Variants in SYT3 observed in about 807,000 individuals in gnomAD.
SYT3 encodes synaptotagmin-3.
Under a neutral mutation model 50.6 loss-of-function variants are expected in SYT3, and 25 were observed. The observed-to-expected ratio is 0.49, with a 90% CI of 0.36 to 0.69. SYT3 has a LOEUF of 0.69. Among genes scored for constraint, SYT3 ranks in the 30% least tolerant of loss-of-function variants. The pLI is 0.00. For missense variants in SYT3, 589 were observed against 793.6 expected (o/e 0.74, Z 3.10); for synonymous variants, 323 against 353.9 (o/e 0.91, Z 0.98).
At chr19:50,641,743 G>T (rs2123029712), upstream of SYT3, among the ~76,000 whole-genome samples, 1 of 152,056 alleles carries the variant, frequency 6.6e-6, no homozygotes, top group African/African-American at 2.4e-5. Flanking sequence ...CTACTTGGGG[G>T]GCTGAGGCAG....
the SYT3 span, among the ~76,000 whole-genome samples, chr19:50,654,288 C>G: frequency 6.6e-6 from 1 of 151,546 alleles, no homozygotes. Flanking sequence ...CTCCATCTCT[C>G]TCTTTTCTTT....
chr19:50,656,335 A>C, the SYT3 span: 1 of 1,535,708 alleles, frequency 6.5e-7, no homozygotes, highest in African/African-American at 1.4e-5. Flanking sequence ...CTGCCTCTGC[A>C]TGGAGACCTT....
chr19:50,635,855 C>T (rs1376873975), intron 3 of SYT3, among the ~76,000 whole-genome samples: 1 of 152,228 alleles, frequency 6.6e-6, no homozygotes, highest in Non-Finnish European at 1.5e-5. Flanking sequence ...GAGAGGATGA[C>T]TGGAAGCTCA....
At chr19:50,653,040 A>T in the SYT3 span, among the ~76,000 whole-genome samples, 2 of 151,974 alleles carry the variant, frequency 1.3e-5, no homozygotes, top group Non-Finnish European at 2.9e-5. Context: ...ATTCTATTCT[A>T]TTTTATTTTA....
upstream of SYT3, among the ~76,000 whole-genome samples, chr19:50,641,532 C>A (rs1984682376): frequency 1.3e-5 from 2 of 151,494 alleles, no homozygotes; most frequent in Non-Finnish European, 2.9e-5. Context: ...CCAGCCTGGG[C>A]AACAAAGCAA....
At position 50,632,832 on chromosome 19, in the gene SYT3, G is replaced by C; in HGVS notation, c.149-21C>G. Reference sequence around the variant, plus strand: ...GATGTCTGGAGAGAACGAGGACAGAGGTAGGGGTCAGGATGGGGTCACAGT... The same window carrying C: ...GATGTCTGGAGAGAACGAGGACAGACGTAGGGGTCAGGATGGGGTCACAGT... On this transcript the variant is annotated intron_variant, in intron 3 of 10. Coordinates refer to ENST00000600079, the MANE Select transcript of SYT3 (RefSeq NM_001160329.2). This position sits in a 1 kb window ranked among gnomAD's most constrained non-coding sequence, Gnocchi z 4.7. 6.7e-7 allele frequency: 1 copy of C among 1,485,462 alleles called. No homozygotes were observed. The highest frequency in any genetic ancestry group is 8.9e-7 in the Non-Finnish European group (1 of 1,120,680). The allele number at this position is 1,485,462 out of a possible 1,614,324, so 92.0% of individuals were successfully genotyped here.
At position 50,629,465 on chromosome 19, in the gene SYT3, G is replaced by A; in HGVS notation, c.1110C>T (p.Phe370=). Residue 370 remains phenylalanine, a synonymous_variant, in exon 6 of 11, where the codon TTC becomes TTT. Coordinates refer to ENST00000600079, the MANE Select transcript of SYT3 (RefSeq NM_001160329.2). ...LNPVFNETFQ[F]SVPLAELAQR... is the part of the protein sequence containing the mutation. ...GGGCCAGCTCGGCCAGGGGCACCGA[G>A]AATTGAAACGTCTCATTGAAGACGG... is the stretch of plus-strand genomic sequence containing the variant. 6.2e-7 allele frequency: 1 copy of A among 1,614,064 alleles called. No homozygotes were observed. The highest frequency in any genetic ancestry group is 8.5e-7 in the Non-Finnish European group (1 of 1,179,962).
rs1984363281 is a variant in SYT3 at position 50,632,718 on chromosome 19, A to G, written c.242T>C (p.Val81Ala). Residue 81 changes from valine (V) to alanine (A), a missense_variant, in exon 4 of 11, where the codon GTG becomes GCG. Transcript: ENST00000600079. This position sits in a 1 kb window ranked among gnomAD's most constrained non-coding sequence, Gnocchi z 4.7. Reference sequence around the variant, plus strand: ...CGAGCCTCCCTTGTCCCGCCAGGGCACCCAGCACAACTTCCAGGACACGAA... The same window carrying G: ...CGAGCCTCCCTTGTCCCGCCAGGGCGCCCAGCACAACTTCCAGGACACGAA... ...SLFVSWKLCW[V>A]PWRDKGGSAV... 1 of 1,585,550 alleles carries G rather than the reference A, an allele frequency of 6.3e-7. No individual in the cohort carries two copies. Among genetic ancestry groups the G allele is most frequent in the Non-Finnish European group, 8.6e-7 (1 of 1,167,480 alleles).
chr19:50,657,572 G>C, the SYT3 span, among the ~76,000 whole-genome samples: 1 of 152,092 alleles, frequency 6.6e-6, no homozygotes, highest in Non-Finnish European at 1.5e-5. Flanking sequence ...TTCTTAAAAT[G>C]CTAATACGAA....
At position 50,630,191 on chromosome 19, in the gene SYT3, G is replaced by GCC; in HGVS notation, c.675-21_675-20insGG. ...GGGTACCTGTAGGGGGTTGGGGGGA[G>GCC]ACCAAGGTGAGGTCAGTGGCTCTGA... is the stretch of plus-strand genomic sequence containing the variant. On this transcript the variant is annotated intron_variant, in intron 4 of 10. Transcript: ENST00000600079. 1 of 1,496,834 alleles carries GCC rather than the reference G, an allele frequency of 6.7e-7. No homozygotes were observed. Among genetic ancestry groups the GCC allele is most frequent in the South Asian group, 1.4e-5 (1 of 73,424 alleles). The allele number at this position is 1,496,834 out of a possible 1,614,324, so 92.7% of individuals were successfully genotyped here.
At chr19:50,651,721 G>A in the SYT3 span, among the ~76,000 whole-genome samples, 8 of 151,148 alleles carry the variant, frequency 5.3e-5, no homozygotes, top group Admixed American at 2.0e-4. Flanking sequence ...AAAAAAAAAA[G>A]CTTGAAATGG....
At position 50,637,535 on chromosome 19, in the gene SYT3, T is replaced by G. The variant is rs1984537408; in HGVS notation, c.-15-109A>C. ...AAAGAGACACCGAGAAAAGGAAGGA[T>G]GGGCAAAGGGGACAGAGATTAGGGG... On this transcript the variant is annotated intron_variant, in intron 2 of 10. Transcript: ENST00000600079. This position sits in a 1 kb window ranked among gnomAD's most constrained non-coding sequence, Gnocchi z 4.9. The G allele has an allele frequency of 2.1e-6, 2 of 935,086 alleles. No homozygotes were observed. Among genetic ancestry groups the G allele is most frequent in the Non-Finnish European group, 3.1e-6 (2 of 641,678 alleles). 57.9% of individuals were successfully genotyped at this position (935,086 alleles called of 1,614,324 possible).
chr19:50,653,573 C>G, the SYT3 span, among the ~76,000 whole-genome samples: 1 of 151,748 alleles, frequency 6.6e-6, no homozygotes, highest in East Asian at 1.9e-4. Context: ...GTCTACCGCA[C>G]GTGTGTGTGT....
chr19:50,626,506 G>C (rs2059146), intron 6 of SYT3, among the ~76,000 whole-genome samples: 1 of 139,800 alleles, frequency 7.2e-6, no homozygotes, highest in Non-Finnish European at 1.5e-5. Flanking sequence ...GAGAGAGAGG[G>C]GGGGGGACAG....
Position 50,627,315 on chromosome 19 carries a change from G to C in SYT3, c.1282-1298C>G, listed in dbSNP as rs113776115. 9.1e-3 allele frequency among the ~76,000 whole-genome samples: 1,384 copies of C among 152,274 alleles called. 19 individuals are homozygous for C. The highest frequency in any genetic ancestry group is 0.032 in the African/African-American group (1,313 of 41,550). ...CCACAGCCCTGCAGAGGCTCCTCCT[G>C]TGCCTCCCCATAACCCTGGCCCCTG... On this transcript the variant is annotated intron_variant, in intron 6 of 10. Transcript: ENST00000600079.
At chr19:50,630,579 T>C (rs1984267207) in intron 4 of SYT3, among the ~76,000 whole-genome samples, 1 of 152,050 alleles carries the variant, frequency 6.6e-6, no homozygotes, top group Non-Finnish European at 1.5e-5. Context: ...TGCACCACCA[T>C]ATCCGGCTAA....
Position 50,628,043 on chromosome 19 carries a change from T to C in SYT3, c.1281+1251A>G, listed in dbSNP as rs368972071. 2.7e-4 allele frequency among the ~76,000 whole-genome samples: 41 copies of C among 152,206 alleles called. No individual in the cohort carries two copies. The East Asian group carries it at 5.6e-3, about 21-fold the overall frequency. Reference sequence around the variant, plus strand: ...TACCCAAAGAGCTACCCAAAAAGCCTACCTGGCACCCAGCTCAACTGGACA... The same window carrying C: ...TACCCAAAGAGCTACCCAAAAAGCCCACCTGGCACCCAGCTCAACTGGACA... On this transcript the variant is annotated intron_variant, in intron 6 of 10. Transcript: ENST00000600079.
chr19:50,651,797 A>G, the SYT3 span, among the ~76,000 whole-genome samples: 1 of 152,172 alleles, frequency 6.6e-6, no homozygotes, highest in Admixed American at 6.5e-5. Flanking sequence ...ATTTAATTAC[A>G]CATATACATT....
chr19:50,625,745 C>T lies in SYT3; in HGVS notation c.1402+152G>A, dbSNP rs1458020444. The T allele has an allele frequency of 9.6e-7, 1 of 1,046,570 alleles. No individual in the cohort carries two copies. Among genetic ancestry groups the T allele is most frequent in the East Asian group, 2.6e-5 (1 of 37,746 alleles). 64.8% of individuals were successfully genotyped at this position (1,046,570 alleles called of 1,614,324 possible). A position where few individuals can be genotyped will look rare whatever the true frequency, so the allele number is the denominator to read the frequency against. On this transcript the variant is annotated intron_variant, in intron 7 of 10. Coordinates refer to ENST00000600079, the MANE Select transcript of SYT3 (RefSeq NM_001160329.2). This position sits in a 1 kb window ranked among gnomAD's most constrained non-coding sequence, Gnocchi z 7.5. Reference sequence around the variant, plus strand: ...GTCCTCCTCTCTCCGACCCAGGAGTCCAGGCCCCTGGCCCCTCCTCCCTCA... The same window carrying T: ...GTCCTCCTCTCTCCGACCCAGGAGTTCAGGCCCCTGGCCCCTCCTCCCTCA...
Sources: gnomAD v4.1 joint callset for allele counts (sites outside exome capture counted in the v4.1 genomes callset) on GRCh38, gnomAD v4.1.1 for gene constraint, Gnocchi (gnomAD v3.1) non-coding constraint, MANE v1.5 for transcripts, NCBI Gene and HGNC (gene_info 2026-07-23, HGNC 2026-07-21) for gene names.